The following EPHA7 variants were observed in gnomAD, a reference collection of about 807,000 sequenced individuals.
The protein encoded by EPHA7 is EPH receptor A7.
A neutral mutation model predicts 112.6 loss-of-function variants in EPHA7; 25 were observed. The observed-to-expected ratio is 0.22, with a 90% CI of 0.16 to 0.31. The LOEUF (loss-of-function observed/expected upper bound fraction) is 0.31. Ranked by LOEUF, EPHA7 falls within the 10% of genes least tolerant of loss-of-function variation. EPHA7 has a pLI of 1.00. For synonymous variants in EPHA7, 437 were observed against 406.5 expected, an observed-to-expected ratio of 1.07 and a Z score of -0.90; for missense variants, 962 against 1,212.6, an observed-to-expected ratio of 0.79 and a Z score of 3.07.
intron 6 of EPHA7, among the ~76,000 whole-genome samples, chr6:93,271,798 G>A (rs987749047): frequency 6.6e-6 from 1 of 151,744 alleles, no homozygotes; most frequent in African/African-American, 2.4e-5. Flanking sequence ...GAATTTAAAG[G>A]AGTGAAATAA....
intron 11 of EPHA7, among the ~76,000 whole-genome samples, chr6:93,257,869 C>T (rs1163347753): frequency 6.6e-6 from 1 of 151,884 alleles, no homozygotes; most frequent in Non-Finnish European, 1.5e-5. Context: ...TCAGTCATTC[C>T]ATCTATCAGA....
intron 14 of EPHA7, among the ~76,000 whole-genome samples, chr6:93,249,373 T>C (rs1050933855): frequency 3.3e-5 from 5 of 152,154 alleles, no homozygotes; most frequent in Non-Finnish European, 7.3e-5. Context: ...AAAAATGTTA[T>C]GTTAAAAAAT....
chr6:93,308,635 T>C (rs534330252), intron 5 of EPHA7, among the ~76,000 whole-genome samples: 1 of 152,172 alleles, frequency 6.6e-6, no homozygotes, highest in African/African-American at 2.4e-5. Context: ...GAATTATTTA[T>C]AAATAATTGT....
rs374361032 is a variant in EPHA7, at chr6:93,243,490, A to G, written c.2933T>C (p.Met978Thr). 3.1e-6 allele frequency: 5 copies of G among 1,613,528 alleles called. No homozygotes were observed. In the African/African-American group the frequency reaches 6.7e-5, roughly 22 times the overall value. ...TGCTCTCATAGTCTGAATGCTGCTC[A>G]TGATTTTCTTTTGATGACCAACCAG... Reference protein sequence around the residue: ...ITLVGHQKKIMSSIQTMRAQM... With the variant: ...ITLVGHQKKITSSIQTMRAQM... Residue 978 changes from methionine to threonine, a missense_variant, in exon 17 of 17, where the codon ATG (methionine) becomes ACG (threonine). Met to Thr is a moderately conservative substitution (Grantham distance 81). Around this residue, in one of 3 missense-constraint regions of EPHA7, gnomAD observed 746 missense variants for 889.2 expected, o/e 0.84. Transcript: ENST00000369303.
chr6:93,412,855 A>C (rs1312458691), intron 2 of EPHA7, among the ~76,000 whole-genome samples: 1 of 152,076 alleles, frequency 6.6e-6, no homozygotes, highest in African/African-American at 2.4e-5. Flanking sequence ...GAATTCCTTT[A>C]TCTAACTTCG....
chr6:93,272,461 T>C (rs1771275126), intron 5 of EPHA7, 39 bp from the exon 6 acceptor site: 1 of 1,608,468 alleles, frequency 6.2e-7, no homozygotes, highest in South Asian at 1.1e-5. Flanking sequence ...ATGAGAAAAT[T>C]CACTGGATGC....
chr6:93,373,449 T>C (rs56186409), intron 3 of EPHA7, among the ~76,000 whole-genome samples: 1 of 152,090 alleles, frequency 6.6e-6, no homozygotes, highest in Non-Finnish European at 1.5e-5. Flanking sequence ...GAAACTTGCG[T>C]GTAATTTAGT....
chr6:93,253,924 C>A (rs1562045474), intron 14 of EPHA7, among the ~76,000 whole-genome samples: 1 of 151,024 alleles, frequency 6.6e-6, no homozygotes, highest in African/African-American at 2.4e-5. Flanking sequence ...ATAAAAGCAA[C>A]TTTTTTTTTG....
In EPHA7 at chr6:93,257,524, C is replaced by T. The variant is rs770896087; in HGVS notation, c.2111-1G>A. The T allele has an allele frequency of 6.2e-7, 1 of 1,605,464 alleles. No individual in the cohort carries two copies. Among genetic ancestry groups the T allele is most frequent in the Non-Finnish European group, 8.5e-7 (1 of 1,176,390 alleles). On this transcript the variant is annotated splice_acceptor_variant, in intron 11 of 16. Coordinates refer to ENST00000369303, the MANE Select transcript of EPHA7 (RefSeq NM_004440.4). LOFTEE classifies it high-confidence loss of function. ...TCTATTACTATCATGACTGGTTTCCCTAAAATTAAAAAAAAAAAGTTTCAG... is the reference window on the plus strand; with the variant it reads ...TCTATTACTATCATGACTGGTTTCCTTAAAATTAAAAAAAAAAAGTTTCAG...
chr6:93,364,580 C>T (rs770758022), intron 3 of EPHA7, among the ~76,000 whole-genome samples: 22 of 149,398 alleles, frequency 1.5e-4, no homozygotes, highest in Non-Finnish European at 1.8e-4. Flanking sequence ...ACCTTCAAAT[C>T]TGAACACTTA....
chr6:93,385,056 G>A (rs1030096452), intron 3 of EPHA7, among the ~76,000 whole-genome samples: 2 of 152,064 alleles, frequency 1.3e-5, no homozygotes, highest in Non-Finnish European at 2.9e-5. Context: ...TATTAGCTAT[G>A]TAATTAATTT....
intron 5 of EPHA7, among the ~76,000 whole-genome samples, chr6:93,338,775 T>G (rs554738313): frequency 6.6e-6 from 1 of 151,714 alleles, no homozygotes; most frequent in African/African-American, 2.4e-5. Flanking sequence ...CTTCCAAAGT[T>G]ATACTATCTA....
intron 14 of EPHA7, among the ~76,000 whole-genome samples, chr6:93,248,802 T>A (rs1770076423): frequency 6.6e-6 from 1 of 152,100 alleles, no homozygotes; most frequent in South Asian, 2.1e-4. Flanking sequence ...GGGCCTCACA[T>A]CCTGATCCTC....
chr6:93,371,775 A>T lies in EPHA7; in HGVS notation c.833-13364T>A, dbSNP rs549518753. ...ATGTATAGAGAGCTGATGGTACATTACATCTTCCTAATTAATTAGTATACA... is the reference window on the plus strand; with the variant it reads ...ATGTATAGAGAGCTGATGGTACATTTCATCTTCCTAATTAATTAGTATACA... On this transcript the variant is annotated intron_variant, in intron 3 of 16. Transcript: ENST00000369303. Among the ~76,000 whole-genome samples, 49 of 152,340 alleles carry T rather than the reference A, an allele frequency of 3.2e-4. No homozygotes were observed. The South Asian group carries it at 0.01, about 32-fold the overall frequency.
intron 3 of EPHA7, among the ~76,000 whole-genome samples, chr6:93,393,147 C>T (rs1181629803): frequency 1.3e-5 from 2 of 151,774 alleles, no homozygotes; most frequent in Non-Finnish European, 2.9e-5. Flanking sequence ...TTTTTAAGAC[C>T]TGTTTTAACA....
At chr6:93,314,849 T>A (rs549963937) in intron 5 of EPHA7, among the ~76,000 whole-genome samples, 7 of 148,894 alleles carry the variant, frequency 4.7e-5, no homozygotes. Flanking sequence ...AGACTGACAA[T>A]ATAATTTTCT....
Position 93,257,483 on chromosome 6 carries a change from T to C in EPHA7, c.2151A>G (p.Gly717=), listed in dbSNP as rs149452129. 271 of 1,611,540 alleles carry C rather than the reference T, an allele frequency of 1.7e-4. No homozygotes were observed. In the African/African-American group the frequency reaches 3.2e-3, roughly 19 times the overall value. The stretch of plus-strand genomic sequence containing the variant: ...TTACCCTGAGAAATGCATCTAGGGC[T>C]CCATTTTCCATGAACTCTATTACTA... ...VMIVIEFMEN[G]ALDAFLRKHD... Residue 717 remains glycine (G), a synonymous_variant, in exon 12 of 17, where the codon GGA becomes GGG. Transcript: ENST00000369303.
intron 5 of EPHA7, among the ~76,000 whole-genome samples, chr6:93,291,760 T>A (rs1772387648): frequency 5.0e-5 from 1 of 19,890 alleles, no homozygotes; most frequent in Non-Finnish European, 1.1e-4. Context: ...AGAGCGAGAC[T>A]CCGTCTCAAA....
chr6:93,265,429 C>CA (rs779060284), intron 7 of EPHA7, among the ~76,000 whole-genome samples: 4 of 151,636 alleles, frequency 2.6e-5, no homozygotes, highest in African/African-American at 4.8e-5. Context: ...TAAGGCAAAC[C>CA]TGGCTGAACT....
Sources: allele counts gnomAD v4.1 joint callset (sites outside exome capture counted in the v4.1 genomes callset), GRCh38; gene constraint gnomAD v4.1.1; regional missense constraint gnomAD v4.1.1; transcripts MANE v1.5; gene names NCBI Gene and HGNC (gene_info 2026-07-23, HGNC 2026-07-21).